ZNF786: variants seen among roughly 807,000 people sequenced by gnomAD.
ZNF786 encodes the protein zinc finger protein 786.
A neutral mutation model predicts 63.1 loss-of-function variants in ZNF786; 56 were observed. That is an observed-to-expected ratio of 0.89 (90% confidence interval 0.72 to 1.11). The LOEUF (loss-of-function observed/expected upper bound fraction) is 1.11, where lower values mean the gene tolerates loss of function less well. Ranked by LOEUF, ZNF786 falls within the 50% of genes least tolerant of loss-of-function variation. The probability of loss-of-function intolerance (pLI) is 0.00; values close to 1 mark genes in which losing one functional copy is unlikely to be tolerated. For synonymous variants in ZNF786, 485 were observed against 406.9 expected (o/e 1.19, Z -2.31); for missense variants, 1,213 against 1,041.8 (o/e 1.16, Z -2.26).
intron 2 of ZNF786, among the ~76,000 whole-genome samples, chr7:149,080,388 A>C (rs536413003): frequency 6.6e-6 from 1 of 152,310 alleles, no homozygotes; most frequent in South Asian, 2.1e-4. Context: ...ACATTGTTCA[A>C]ATATTCTCAT....
intron 2 of ZNF786, among the ~76,000 whole-genome samples, chr7:149,079,399 ACTC>A (rs1015791743): frequency 2.7e-5 from 4 of 150,274 alleles, no homozygotes; most frequent in Non-Finnish European, 4.4e-5. Context: ...ACGGAGCCAG[ACTC>A]CGTCTCAAAA....
intron 1 of ZNF786, among the ~76,000 whole-genome samples, chr7:149,084,317 G>T (rs1825696561): frequency 1.4e-5 from 2 of 141,580 alleles, no homozygotes; most frequent in African/African-American, 5.4e-5. Flanking sequence ...AGCTGAGATG[G>T]CACCAGCCTG....
intron 1 of ZNF786, among the ~76,000 whole-genome samples, chr7:149,087,993 C>CT (rs11304737): frequency 0.01 from 1,278 of 126,230 alleles, 16 homozygotes; most frequent in African/African-American, 0.033. Context: ...GTTGCCCAGG[C>CT]TTTTTTTTTT....
At chr7:149,076,563 A>T (rs1465211590) in intron 2 of ZNF786, among the ~76,000 whole-genome samples, 2 of 151,486 alleles carry the variant, frequency 1.3e-5, no homozygotes, top group Non-Finnish European at 2.9e-5. Context: ...CTCATCTAAT[A>T]CAAAAGTTAG....
intron 1 of ZNF786, among the ~76,000 whole-genome samples, chr7:149,084,348 T>TC (rs1554453551): frequency 8.2e-5 from 7 of 85,154 alleles, no homozygotes; most frequent in African/African-American, 3.1e-4. Context: ...CAAAACTGCA[T>TC]CCCAAAAAAA....
intron 2 of ZNF786, among the ~76,000 whole-genome samples, chr7:149,076,150 T>C (rs1235526771): frequency 6.6e-6 from 1 of 151,986 alleles, no homozygotes; most frequent in Non-Finnish European, 1.5e-5. Flanking sequence ...GTTTCACTCT[T>C]GTTGCCCAGG....
At position 149,070,662 on chromosome 7, in the gene ZNF786, A is replaced by T; in HGVS notation, c.2110T>A (p.Phe704Ile). 1 of 1,613,942 alleles carries T rather than the reference A, an allele frequency of 6.2e-7. No individual in the cohort carries two copies. Among genetic ancestry groups the T allele is most frequent in the South Asian group, 1.1e-5 (1 of 91,090 alleles). The change falls in exon 4 of 4, where the codon TTT becomes ATT. Residue 704 changes from phenylalanine (F) to isoleucine (I), a missense_variant. By Grantham distance (21) the Phe-to-Ile change is conservative (BLOSUM62 0). Transcript: ENST00000491431. The stretch of plus-strand genomic sequence containing the variant: ...TTCTTGTCACACTCAGGGCAGTGAA[A>T]AGGCCTCTCCCCTGTGTGCAGGCCC... ...HQGLHTGERP[F>I]HCPECDKNFR...
chr7:149,079,487 T>A (rs1221968326), intron 2 of ZNF786, among the ~76,000 whole-genome samples: 3 of 151,374 alleles, frequency 2.0e-5, no homozygotes, highest in Non-Finnish European at 4.4e-5. Flanking sequence ...TTAAAAATGA[T>A]ATTTGATAAA....
intron 3 of ZNF786, among the ~76,000 whole-genome samples, chr7:149,073,753 A>ATATG (rs1825486078): frequency 3.0e-5 from 2 of 66,420 alleles, no homozygotes; most frequent in African/African-American, 9.5e-5. Context: ...GTGTGTATAT[A>ATATG]TATATATATA....
In ZNF786 at chr7:149,071,894, T is replaced by C; in HGVS notation, c.878A>G (p.Glu293Gly). ...HPSHRLPQQG[E>G]KPAQCTPCGK... ...GCATGGGGTGCACTGGGCAGGCTTCTCCCCCTGCTGCGGGAGGCGGTGGCT... is the reference window on the plus strand; with the variant it reads ...GCATGGGGTGCACTGGGCAGGCTTCCCCCCCTGCTGCGGGAGGCGGTGGCT... The change falls in exon 4 of 4, where the codon GAG (glutamate) becomes GGG (glycine). Residue 293 changes from glutamate (E) to glycine (G), a missense_variant. Transcript: ENST00000491431. 1 of 1,603,538 alleles carries C rather than the reference T, an allele frequency of 6.2e-7. No homozygotes were observed.
chr7:149,079,984 C>G (rs1285554762), intron 2 of ZNF786, among the ~76,000 whole-genome samples: 3 of 150,864 alleles, frequency 2.0e-5, no homozygotes, highest in African/African-American at 4.9e-5. Context: ...CCATCCTGTC[C>G]AACATGGTGA....
chr7:149,072,277 G>T lies in ZNF786; in HGVS notation c.495C>A (p.Ile165=), dbSNP rs370763414. 3.1e-5 allele frequency: 50 copies of T among 1,613,658 alleles called. No individual in the cohort carries two copies. The South Asian group carries it at 5.2e-4, about 17-fold the overall frequency. Residue 165 remains isoleucine, a synonymous_variant, in exon 4 of 4, where the codon ATC becomes ATA. Coordinates refer to ENST00000491431, the MANE Select transcript of ZNF786 (RefSeq NM_152411.4). ...GAAGATCCAGATTTCTGGGACCTGG[G>T]ATTCCTTCTTTTAGGGTAGATTCAC... ...GPSESTLKEG[I]PGPRNLDLPG...
At position 149,071,983 on chromosome 7, in the gene ZNF786, C is replaced by G. The variant is rs781740244; in HGVS notation, c.789G>C (p.Thr263=). Residue 263 remains threonine (T), a synonymous_variant, in exon 4 of 4, where the codon ACG becomes ACC. Coordinates refer to ENST00000491431, the MANE Select transcript of ZNF786 (RefSeq NM_152411.4). ...LCLLRHLAAH[T]GRGPFRNADG... Reference sequence around the variant, plus strand: ...CAGCGTTCCGGAAGGGGCCCCTCCCCGTGTGGGCCGCCAGATGGCGCAGCA... The same window carrying G: ...CAGCGTTCCGGAAGGGGCCCCTCCCGGTGTGGGCCGCCAGATGGCGCAGCA... 1.4e-5 allele frequency: 22 copies of G among 1,612,568 alleles called. No individual in the cohort carries two copies. Among genetic ancestry groups the G allele is most frequent in the Non-Finnish European group, 1.8e-5 (21 of 1,179,858 alleles).
chr7:149,077,427 A>G (rs1489108158), intron 2 of ZNF786, among the ~76,000 whole-genome samples: 1 of 152,038 alleles, frequency 6.6e-6, no homozygotes, highest in Admixed American at 6.6e-5. Flanking sequence ...GCAGATCGAG[A>G]CCATCCTGGC....
intron 1 of ZNF786, among the ~76,000 whole-genome samples, chr7:149,086,649 CAT>C (rs1491148457): frequency 0.016 from 2,367 of 150,678 alleles, 29 homozygotes; most frequent in Non-Finnish European, 0.022. Flanking sequence ...CACACACACA[CAT>C]ACACACAAAA....
Position 149,072,240 on chromosome 7 carries a change from C to T in ZNF786, c.532G>A (p.Asp178Asn). The T allele has an allele frequency of 1.2e-6, 2 of 1,613,556 alleles. No homozygotes were observed. The highest frequency in any genetic ancestry group is 1.7e-6 in the Non-Finnish European group (2 of 1,179,760). The change falls in exon 4 of 4, where the codon GAC (aspartate) becomes AAC (asparagine). Residue 178 changes from aspartate to asparagine, a missense_variant. Coordinates refer to ENST00000491431, the MANE Select transcript of ZNF786 (RefSeq NM_152411.4). The stretch of plus-strand genomic sequence containing the variant: ...TGGGTGCTCTCCCAGGCGGGGACGT[C>T]CCACAAACCAGGAAGATCCAGATTT... ...PRNLDLPGLWDVPAWESTQHP... is the reference protein window; with the variant it reads ...PRNLDLPGLWNVPAWESTQHP...
In ZNF786 at chr7:149,070,433, TCGG is replaced by T; in HGVS notation, c.2336_2338del (p.Ala779del). On this transcript the variant is annotated inframe_deletion, in exon 4 of 4. Coordinates refer to ENST00000491431, the MANE Select transcript of ZNF786 (RefSeq NM_152411.4). ...ATGTCCCACTCTGCCTCAACTCCAA[TCGG>T]CCTCTATCATTGCAAACAGTTGGCT... 6.2e-7 allele frequency: 1 copy of T among 1,612,404 alleles called. No individual in the cohort carries two copies. The highest frequency in any genetic ancestry group is 2.2e-5 in the East Asian group (1 of 44,840).
In ZNF786 at chr7:149,071,577, A is replaced by G. The variant is rs769879763; in HGVS notation, c.1195T>C (p.Cys399Arg). Residue 399 changes from cysteine (C) to arginine (R), a missense_variant, in exon 4 of 4, where the codon TGT (cysteine) becomes CGT (arginine). Coordinates refer to ENST00000491431, the MANE Select transcript of ZNF786 (RefSeq NM_152411.4). Reference protein sequence around the residue: ...RAHTGEKPFQCAHCTKRFRLR... With the variant: ...RAHTGEKPFQRAHCTKRFRLR... ...CGGAAGCGCTTGGTGCAATGCGCAC[A>G]CTGGAAGGGCTTTTCTCCAGTATGC... The G allele has an allele frequency of 2.5e-6, 4 of 1,611,424 alleles. No individual in the cohort carries two copies. Among genetic ancestry groups the G allele is most frequent in the Non-Finnish European group, 3.4e-6 (4 of 1,179,368 alleles).
intron 2 of ZNF786, among the ~76,000 whole-genome samples, chr7:149,075,515 G>A (rs1231612145): frequency 1.3e-5 from 2 of 152,010 alleles, no homozygotes; most frequent in Non-Finnish European, 2.9e-5. Flanking sequence ...AAAGTGCTGC[G>A]ATTACAGGCA....
Sources: gnomAD v4.1 joint callset for allele counts (sites outside exome capture counted in the v4.1 genomes callset) on GRCh38, gnomAD v4.1.1 for gene constraint, MANE v1.5 for transcripts, NCBI Gene and HGNC (gene_info 2026-07-23, HGNC 2026-07-21) for gene names.